The following MMS22L variants were observed in gnomAD, a reference collection of about 807,000 sequenced individuals.
MMS22L encodes protein MMS22-like.
In MMS22L, 74 loss-of-function variants were observed where a neutral mutation model predicts 159.1. That is an observed-to-expected ratio of 0.47 (90% CI 0.39 to 0.56). MMS22L has a LOEUF of 0.56. MMS22L is among the 20% of genes least tolerant of loss of function. MMS22L has a pLI of 0.00. For synonymous variants in MMS22L, 517 were observed against 506.9 expected (o/e 1.02, Z -0.27); for missense variants, 1,351 against 1,422.1 (o/e 0.95, Z 0.80).
At chr6:97,239,367 T>A (rs6913901) in intron 11 of MMS22L, among the ~76,000 whole-genome samples, 1 of 152,060 alleles carries the variant, frequency 6.6e-6, no homozygotes, top group African/African-American at 2.4e-5. Flanking sequence ...CAATGAGGCT[T>A]TTAAAAAGCA....
At position 97,154,589 on chromosome 6, in the gene MMS22L, C is replaced by T. The variant is rs1801643181; in HGVS notation, c.3386-2722G>A. ...ATGACTTTTACAATTTTAGCTCTGA[C>T]ACTTAGGTCTATGGTTCATTTTAGG... On this transcript the variant is annotated intron_variant, in intron 22 of 24. Coordinates refer to ENST00000683635, the MANE Select transcript of MMS22L (RefSeq NM_001350599.2). Among the ~76,000 whole-genome samples the T allele has an allele frequency of 2.0e-5, 3 of 152,252 alleles. No individual in the cohort carries two copies. In the South Asian group the frequency reaches 6.2e-4, roughly 32 times the overall value.
At chr6:97,272,063 G>A (rs970205107) in intron 6 of MMS22L, 1 of 152,046 alleles carries the variant, frequency 6.6e-6, no homozygotes, top group Non-Finnish European at 1.5e-5. Flanking sequence ...GAGACTTCAG[G>A]GAATCTCACT....
chr6:97,237,891 G>T (rs938879559), intron 11 of MMS22L, among the ~76,000 whole-genome samples: 1 of 152,058 alleles, frequency 6.6e-6, no homozygotes, highest in African/African-American at 2.4e-5. Flanking sequence ...TGTTTATAAG[G>T]TAAAAAAGTA....
At chr6:97,149,587 C>G (rs1181147573) in intron 24 of MMS22L, among the ~76,000 whole-genome samples, 1 of 152,178 alleles carries the variant, frequency 6.6e-6, no homozygotes, top group Non-Finnish European at 1.5e-5. Context: ...GCAACAGCAG[C>G]ACTGCTGAAA....
chr6:97,186,648 A>G lies in MMS22L; in HGVS notation c.2082T>C (p.Asn694=), dbSNP rs754905230. The stretch of plus-strand genomic sequence containing the variant: ...ATGAAGACTGTACAAATAGGTCCAC[A>G]TTGTCCCTTTGAAGTTCCTGACACA... ...QQLCQELQRD[N]VDLFVQSSLS... Residue 694 remains asparagine, a synonymous_variant, in exon 15 of 25, where the codon AAT becomes AAC. Coordinates refer to ENST00000683635, the MANE Select transcript of MMS22L (RefSeq NM_001350599.2). 1.7e-5 allele frequency: 27 copies of G among 1,586,952 alleles called. No homozygotes were observed. The highest frequency in any genetic ancestry group is 2.3e-5 in the East Asian group (1 of 43,302).
chr6:97,177,147 C>A (rs1195472134), intron 18 of MMS22L, among the ~76,000 whole-genome samples: 1 of 152,026 alleles, frequency 6.6e-6, no homozygotes, highest in African/African-American at 2.4e-5. Context: ...GTTCTCTGCA[C>A]CTTTAAGTTA....
chr6:97,269,536 C>T (rs757411646), intron 7 of MMS22L, among the ~76,000 whole-genome samples: 32 of 152,102 alleles, frequency 2.1e-4, no homozygotes, highest in Non-Finnish European at 4.0e-4. Flanking sequence ...AGAACCATAA[C>T]ATGCAGCCTT....
chr6:97,212,367 G>A (rs1260786913), intron 14 of MMS22L, among the ~76,000 whole-genome samples: 1 of 152,132 alleles, frequency 6.6e-6, no homozygotes, highest in East Asian at 1.9e-4. Flanking sequence ...AGCAATTTAT[G>A]TACTTAAAGC....
chr6:97,185,772 AT>A (rs1805163439), intron 15 of MMS22L, among the ~76,000 whole-genome samples: 2 of 152,152 alleles, frequency 1.3e-5, no homozygotes, highest in Non-Finnish European at 2.9e-5. Flanking sequence ...TAAAACTATT[AT>A]TTAAAAATAA....
intron 14 of MMS22L, among the ~76,000 whole-genome samples, chr6:97,209,183 T>G (rs1453621144): frequency 6.6e-6 from 1 of 152,072 alleles, no homozygotes; most frequent in Non-Finnish European, 1.5e-5. Context: ...AAGTGTTCAT[T>G]ACTCATTAAT....
chr6:97,194,429 C>T (rs576560395), intron 14 of MMS22L, among the ~76,000 whole-genome samples: 153 of 152,126 alleles, frequency 1.0e-3, no homozygotes, highest in Middle Eastern at 3.4e-3. Context: ...ACCTTCTTGG[C>T]TTTCCTCATC....
chr6:97,187,340 C>T (rs1805356121), intron 14 of MMS22L, among the ~76,000 whole-genome samples: 2 of 152,014 alleles, frequency 1.3e-5, no homozygotes, highest in South Asian at 4.1e-4. Context: ...TTAATTCAAT[C>T]GAAAATTTAG....
At chr6:97,221,314 T>C (rs937463627) in intron 14 of MMS22L, among the ~76,000 whole-genome samples, 1 of 152,080 alleles carries the variant, frequency 6.6e-6, no homozygotes, top group Non-Finnish European at 1.5e-5. Flanking sequence ...CGGATTTAGA[T>C]AGGGACTGAA....
intron 14 of MMS22L, among the ~76,000 whole-genome samples, chr6:97,228,608 C>T (rs530492127): frequency 2.8e-4 from 43 of 152,192 alleles, no homozygotes; most frequent in South Asian, 2.3e-3. Context: ...AGACTTGGGT[C>T]CCCTCCTCAA....
intron 14 of MMS22L, among the ~76,000 whole-genome samples, chr6:97,187,399 G>A (rs1805362841): frequency 6.6e-6 from 1 of 152,152 alleles, no homozygotes; most frequent in Non-Finnish European, 1.5e-5. Context: ...GGTTACCAAA[G>A]AGAGGGAAAT....
intron 14 of MMS22L, among the ~76,000 whole-genome samples, chr6:97,212,133 C>T (rs921752916): frequency 2.0e-5 from 3 of 152,158 alleles, no homozygotes; most frequent in African/African-American, 4.8e-5. Flanking sequence ...GTCTACCTCA[C>T]TACACTGTGG....
In MMS22L at chr6:97,178,505, C is replaced by G. The variant is rs765282560; in HGVS notation, c.2617G>C (p.Ala873Pro). The G allele has an allele frequency of 3.4e-5, 54 of 1,589,228 alleles. No homozygotes were observed. The highest frequency in any genetic ancestry group is 2.0e-4 in the South Asian group (17 of 87,164). Reference protein sequence around the residue: ...LSEVKSIFSKAQVEYLSISED... With the variant: ...LSEVKSIFSKPQVEYLSISED... ...GAGATGGATAAATATTCAACTTGGG[C>G]CTTTGAGAAAATACTCTTTACTTCT... The change falls in exon 18 of 25, where the codon GCC becomes CCC. Residue 873 changes from alanine to proline, a missense_variant. By Grantham distance (27) the Ala-to-Pro change is conservative. Transcript: ENST00000683635.
chr6:97,190,204 T>A (rs1323925061), intron 14 of MMS22L, among the ~76,000 whole-genome samples: 1 of 152,160 alleles, frequency 6.6e-6, no homozygotes, highest in Non-Finnish European at 1.5e-5. Flanking sequence ...AAAACATACA[T>A]AAAATATTAT....
At chr6:97,214,700 T>TC (rs1554266735) in intron 14 of MMS22L, among the ~76,000 whole-genome samples, 181 of 149,072 alleles carry the variant, frequency 1.2e-3, no homozygotes, top group African/African-American at 4.1e-3. Context: ...TTTTTTTTTT[T>TC]CAAATCATTT....
Sources: gnomAD v4.1 joint callset for allele counts (sites outside exome capture counted in the v4.1 genomes callset) on GRCh38, gnomAD v4.1.1 for gene constraint, MANE v1.5 for transcripts, NCBI Gene and HGNC (gene_info 2026-07-23, HGNC 2026-07-21) for gene names.